The following HVCN1 variants were observed in gnomAD, a reference collection of about 807,000 sequenced individuals.
The protein encoded by HVCN1 is hydrogen voltage gated channel 1.
Under a neutral mutation model 29.2 loss-of-function variants are expected in HVCN1, and 14 were observed. That is an observed-to-expected ratio of 0.48 (90% CI 0.32 to 0.75). HVCN1 has a LOEUF of 0.75. Ranked by LOEUF, HVCN1 falls within the 30% of genes least tolerant of loss-of-function variation. The pLI, the probability that HVCN1 is intolerant of heterozygous loss-of-function variation, is 0.04. For synonymous variants in HVCN1, 131 were observed against 133.2 expected, an observed-to-expected ratio of 0.98 and a Z score of 0.11; for missense variants, 263 against 341.8, an observed-to-expected ratio of 0.77 and a Z score of 1.82.
In HVCN1 at chr12:110,655,112, CA is replaced by C. The variant is rs570770239; in HGVS notation, c.411+121del. The C allele has an allele frequency of 8.0e-3, 5,201 of 652,050 alleles. 28 individuals are homozygous for C. Among genetic ancestry groups the C allele is most frequent in the Non-Finnish European group, 9.4e-3 (3,349 of 354,638 alleles). 40.4% of individuals were successfully genotyped at this position (652,050 alleles called of 1,614,324 possible). Reference sequence around the variant, plus strand: ...TGGAAAGGAAGACGAAAACACCTATCAAACTACCACAGACCTTGCTACTCCA... The same window carrying C: ...TGGAAAGGAAGACGAAAACACCTATCAACTACCACAGACCTTGCTACTCCA... On this transcript the variant is annotated intron_variant, in intron 5 of 7. Coordinates refer to ENST00000242607, the MANE Select transcript of HVCN1 (RefSeq NM_032369.4).
intron 2 of HVCN1, among the ~76,000 whole-genome samples, chr12:110,695,005 G>A (rs902367718): frequency 6.6e-6 from 1 of 152,240 alleles, no homozygotes; most frequent in Non-Finnish European, 1.5e-5. Context: ...CTATGTGCTA[G>A]GCAGAGAACA....
At chr12:110,697,640 G>A (rs185782846) in intron 2 of HVCN1, among the ~76,000 whole-genome samples, 19 of 151,324 alleles carry the variant, frequency 1.3e-4, no homozygotes, top group Non-Finnish European at 2.2e-4. Context: ...CACTCACAGC[G>A]CGAAGCATCT....
upstream of HVCN1, among the ~76,000 whole-genome samples, chr12:110,692,559 A>G (rs1381172394): frequency 3.3e-5 from 5 of 151,984 alleles, no homozygotes; most frequent in Non-Finnish European, 7.4e-5. Context: ...ATTTCTATAA[A>G]AAATGTTTTA....
In HVCN1 at chr12:110,651,398, G is replaced by T. The variant is rs2067809825; in HGVS notation, c.462C>A (p.Ile154=). 1.2e-6 allele frequency: 2 copies of T among 1,613,956 alleles called. No individual in the cohort carries two copies. The highest frequency in any genetic ancestry group is 1.7e-5 in the Admixed American group (1 of 60,004). ...GGCGGAAGACAAATAATTTAAAGAT[G>T]ATCTCCATCATAAAAAAGACCAAGA... is the stretch of plus-strand genomic sequence containing the variant. ...ITILVFFMME[I]IFKLFVFRLE... The change falls in exon 6 of 8, where the codon ATC becomes ATA. Residue 154 remains isoleucine (I), a synonymous_variant. Coordinates refer to ENST00000242607, the MANE Select transcript of HVCN1 (RefSeq NM_032369.4).
At chr12:110,700,528 A>G (rs1566073529) in intron 2 of HVCN1, among the ~76,000 whole-genome samples, 2 of 152,168 alleles carry the variant, frequency 1.3e-5, no homozygotes, top group South Asian at 2.1e-4. Flanking sequence ...CTGCCTGACT[A>G]TCTCCAGCAA....
At chr12:110,667,409 C>T (rs1311633807) in intron 3 of HVCN1, among the ~76,000 whole-genome samples, 1 of 152,048 alleles carries the variant, frequency 6.6e-6, no homozygotes, top group Non-Finnish European at 1.5e-5. Context: ...GCTGGGATTA[C>T]ACGCGTGAGC....
intron 7 of HVCN1, 103 bp downstream of exon 7, chr12:110,650,065 G>A (rs572347550): frequency 3.9e-4 from 283 of 723,398 alleles, no homozygotes; most frequent in Middle Eastern, 2.0e-3. Context: ...GGCTGGTCTC[G>A]AACTCCGGAC....
chr12:110,648,812 A>AGTT lies in HVCN1; in HGVS notation c.*595_*597dup, dbSNP rs2067608222. On this transcript the variant is annotated 3_prime_UTR_variant, in exon 8 of 8. Coordinates refer to ENST00000242607, the MANE Select transcript of HVCN1 (RefSeq NM_032369.4). Reference sequence around the variant, plus strand: ...AAAGAGAGAGTTTATTTTATACAGTAGTTGTTTTATTTTATACAGTAGTTG... The same window carrying AGTT: ...AAAGAGAGAGTTTATTTTATACAGTAGTTGTTGTTTTATTTTATACAGTAGTTG... 3.1e-6 allele frequency: 1 copy of AGTT among 326,140 alleles called. No individual in the cohort carries two copies. Among genetic ancestry groups the AGTT allele is most frequent in the African/African-American group, 2.3e-5 (1 of 44,182 alleles). 20.2% of individuals were successfully genotyped at this position (326,140 alleles called of 1,614,324 possible). A position where few individuals can be genotyped will look rare whatever the true frequency, so the allele number is the denominator to read the frequency against.
chr12:110,661,380 G>A lies in HVCN1; in HGVS notation c.90C>T (p.Val30=), dbSNP rs1178621167. 8.1e-6 allele frequency: 13 copies of A among 1,613,998 alleles called. No homozygotes were observed. The highest frequency in any genetic ancestry group is 1.7e-5 in the Admixed American group (1 of 59,998). The change falls in exon 4 of 8, where the codon GTC becomes GTT. Residue 30 remains valine (V), a synonymous_variant. Coordinates refer to ENST00000242607, the MANE Select transcript of HVCN1 (RefSeq NM_032369.4). The surrounding 1 kb of genome is among the most constrained non-coding windows in gnomAD (Gnocchi z 6.2). ...RMSKFLRHFT[V]VGDDYHAWNI... ...TCCAGGCATGGTAGTCGTCTCCCAC[G>A]ACCGTGAAGTGCCTTAAGAACTTGC...
At chr12:110,652,536 C>T (rs1263280224) in intron 5 of HVCN1, among the ~76,000 whole-genome samples, 1 of 152,060 alleles carries the variant, frequency 6.6e-6, no homozygotes, top group Non-Finnish European at 1.5e-5. Context: ...TCAACAGGAC[C>T]CAGCAGTCAA....
intron 3 of HVCN1, among the ~76,000 whole-genome samples, chr12:110,666,943 G>T (rs2068384689): frequency 1.3e-5 from 2 of 152,000 alleles, no homozygotes; most frequent in Admixed American, 6.6e-5. Flanking sequence ...ATGAAGGCAG[G>T]GTCTGTGTCC....
At chr12:110,700,458 G>A (rs2069553309) in intron 2 of HVCN1, among the ~76,000 whole-genome samples, 1 of 152,198 alleles carries the variant, frequency 6.6e-6, no homozygotes, top group Non-Finnish European at 1.5e-5. Flanking sequence ...CAGCCAAGTT[G>A]TAGAAGAGTG....
intron 3 of HVCN1, among the ~76,000 whole-genome samples, chr12:110,666,184 T>C (rs11609953): frequency 0.048 from 7,272 of 152,020 alleles, 236 homozygotes; most frequent in Non-Finnish European, 0.074. Context: ...TTTGGGAGGC[T>C]GAGGCGGGCG....
chr12:110,695,140 G>T (rs987540828), intron 2 of HVCN1, among the ~76,000 whole-genome samples: 3 of 152,124 alleles, frequency 2.0e-5, no homozygotes. Context: ...TGGGTGCGGG[G>T]GCTCACGCCT....
chr12:110,693,263 GCCA>G (rs1411884094), upstream of HVCN1, among the ~76,000 whole-genome samples: 1 of 152,054 alleles, frequency 6.6e-6, no homozygotes. Context: ...TCACTAACTG[GCCA>G]GGCGCGGTGG....
intron 1 of HVCN1, among the ~76,000 whole-genome samples, chr12:110,703,207 C>CAAAAAAA (rs758737358): frequency 4.0e-5 from 4 of 98,772 alleles, no homozygotes; most frequent in Non-Finnish European, 8.0e-5. Context: ...ATGTCTCTAC[C>CAAAAAAA]AAAAAAAAAA....
intron 4 of HVCN1, among the ~76,000 whole-genome samples, chr12:110,656,424 G>A (rs1175795325): frequency 6.6e-6 from 1 of 152,182 alleles, no homozygotes; most frequent in African/African-American, 2.4e-5. Context: ...CACGGTGACA[G>A]CTGGTGATGA....
chr12:110,648,925 AG>A lies in HVCN1; in HGVS notation c.*484del. 2.4e-6 allele frequency: 1 copy of A among 414,542 alleles called. No homozygotes were observed. Among genetic ancestry groups the A allele is most frequent in the Non-Finnish European group, 4.6e-6 (1 of 216,128 alleles). 25.7% of individuals were successfully genotyped at this position (414,542 alleles called of 1,614,324 possible). On this transcript the variant is annotated 3_prime_UTR_variant, in exon 8 of 8. Transcript: ENST00000242607. ...CTGATGCAGCTGGGGCACACAGAGG[AG>A]GGGCCTGGGTACCCCTTTTGGGGAA...
rs2067654246 is a variant in HVCN1, at chr12:110,649,086, A to G, written c.*324T>C. ...TTCCTTAATATACACGTGAAATTTGAAAACTGTACATTCGGTGAGATTAAA... is the reference window on the plus strand; with the variant it reads ...TTCCTTAATATACACGTGAAATTTGGAAACTGTACATTCGGTGAGATTAAA... On this transcript the variant is annotated 3_prime_UTR_variant, in exon 8 of 8. Transcript: ENST00000242607. 1.7e-6 allele frequency: 1 copy of G among 601,662 alleles called. No individual in the cohort carries two copies. Among genetic ancestry groups the G allele is most frequent in the Non-Finnish European group, 3.1e-6 (1 of 322,138 alleles). The allele number at this position is 601,662 out of a possible 1,614,324, so 37.3% of individuals were successfully genotyped here.
Sources: gnomAD v4.1 joint callset for allele counts (sites outside exome capture counted in the v4.1 genomes callset) on GRCh38, gnomAD v4.1.1 for gene constraint, Gnocchi (gnomAD v3.1) non-coding constraint, MANE v1.5 for transcripts, NCBI Gene and HGNC (gene_info 2026-07-23, HGNC 2026-07-21) for gene names.